CALN1: variants seen among roughly 807,000 people sequenced by gnomAD.
CALN1 encodes the protein calneuron 1.
In CALN1, 17 loss-of-function variants were observed where a neutral mutation model predicts 30.6. That is an observed-to-expected ratio of 0.56 (90% CI 0.38 to 0.83). CALN1 has a LOEUF of 0.83. Ranked by LOEUF, CALN1 falls within the 40% of genes least tolerant of loss-of-function variation. CALN1 has a pLI of 0.00. For missense variants in CALN1, 291 were observed against 354.9 expected (o/e 0.82, Z 1.45); for synonymous variants, 156 against 131.4 (o/e 1.19, Z -1.28).
intron 4 of CALN1, among the ~76,000 whole-genome samples, chr7:72,033,262 A>G (rs918285348): frequency 6.6e-6 from 1 of 152,198 alleles, no homozygotes; most frequent in African/African-American, 2.4e-5. Context: ...CAAAATTCTC[A>G]TAAGGAGGTA....
At chr7:72,214,694 C>T (rs545539360) in intron 3 of CALN1, among the ~76,000 whole-genome samples, 1 of 151,934 alleles carries the variant, frequency 6.6e-6, no homozygotes, top group Non-Finnish European at 1.5e-5. Context: ...GGAGCCGAGC[C>T]GCACAGCAGG....
chr7:71,798,766 C>T (rs539941440), intron 6 of CALN1, among the ~76,000 whole-genome samples: 1 of 151,988 alleles, frequency 6.6e-6, no homozygotes, highest in South Asian at 2.1e-4. Flanking sequence ...GGATTACAGG[C>T]ATGCACCACC....
intron 3 of CALN1, among the ~76,000 whole-genome samples, chr7:72,171,992 TTG>T (rs1441621474): frequency 6.6e-6 from 1 of 152,128 alleles, no homozygotes; most frequent in African/African-American, 2.4e-5. Context: ...ATAATGAGAA[TTG>T]ATGAAAGCAG....
chr7:71,811,676 C>CTTT (rs59136685), intron 5 of CALN1, among the ~76,000 whole-genome samples: 6 of 139,906 alleles, frequency 4.3e-5, no homozygotes, highest in African/African-American at 1.0e-4. Context: ...TTTCTTTTTT[C>CTTT]TTTTTTTTTT....
intron 4 of CALN1, among the ~76,000 whole-genome samples, chr7:72,054,522 T>TAC (rs1803109290): frequency 1.7e-5 from 2 of 116,218 alleles, no homozygotes; most frequent in African/African-American, 6.4e-5. Context: ...TATATATACA[T>TAC]ATATACATAC....
chr7:72,368,268 A>G (rs745465298), intron 2 of CALN1, among the ~76,000 whole-genome samples: 9 of 150,014 alleles, frequency 6.0e-5, no homozygotes, highest in Non-Finnish European at 1.0e-4. Flanking sequence ...TTAACTGTTA[A>G]CTGAGTGCTG....
intron 5 of CALN1, among the ~76,000 whole-genome samples, chr7:71,874,144 G>A (rs1792106316): frequency 6.6e-6 from 1 of 151,788 alleles, no homozygotes; most frequent in African/African-American, 2.4e-5. Flanking sequence ...GCGTGGTGGT[G>A]GGCACCTGTA....
At chr7:72,325,229 T>C (rs1801187872) in intron 2 of CALN1, among the ~76,000 whole-genome samples, 1 of 152,118 alleles carries the variant, frequency 6.6e-6, no homozygotes, top group Non-Finnish European at 1.5e-5. Flanking sequence ...GCCCAGGAAG[T>C]TGAGGCTGCA....
intron 2 of CALN1, among the ~76,000 whole-genome samples, chr7:72,370,798 G>A (rs1021312472): frequency 6.6e-6 from 1 of 151,848 alleles, no homozygotes; most frequent in African/African-American, 2.4e-5. Flanking sequence ...TATAATCCCA[G>A]CACTTTGGGA....
At chr7:71,877,852 A>C (rs986904312) in intron 5 of CALN1, among the ~76,000 whole-genome samples, 3 of 152,226 alleles carry the variant, frequency 2.0e-5, no homozygotes, top group African/African-American at 7.2e-5. Context: ...TAAAACACTG[A>C]TGAGGGGCAT....
At chr7:71,917,197 T>C (rs1256381569) in intron 5 of CALN1, among the ~76,000 whole-genome samples, 6 of 152,122 alleles carry the variant, frequency 3.9e-5, no homozygotes, top group African/African-American at 1.4e-4. Flanking sequence ...ATTGATACAT[T>C]TGGAAATGCC....
At chr7:72,086,518 C>T (rs1340691824) in intron 4 of CALN1, among the ~76,000 whole-genome samples, 1 of 152,170 alleles carries the variant, frequency 6.6e-6, no homozygotes, top group Non-Finnish European at 1.5e-5. Context: ...ACAGCAACCT[C>T]TGCCTCTGGA....
intron 3 of CALN1, among the ~76,000 whole-genome samples, chr7:72,218,212 GACGAGGCAGGCGGATC>G (rs1236769861): frequency 1.3e-5 from 2 of 151,730 alleles, no homozygotes; most frequent in Non-Finnish European, 2.9e-5. Flanking sequence ...ACTTTGAGAG[GACGAGGCAGGCGGATC>G]ACCAGGTCAG....
In CALN1 at chr7:71,851,138, C is replaced by CTGTAA. The variant is rs577607362; in HGVS notation, c.502-40647_502-40646insTTACA. Among the ~76,000 whole-genome samples the CTGTAA allele has an allele frequency of 2.7e-4, 41 of 151,548 alleles. No homozygotes were observed. The South Asian group carries it at 8.5e-3, about 32-fold the overall frequency. On this transcript the variant is annotated intron_variant, in intron 5 of 6. Coordinates refer to ENST00000395275, the MANE Select transcript of CALN1 (RefSeq NM_031468.4). ...GGCTAAGGTGTGAGGGTTGCGTGAA[C>CTGTAA]CCAAGTTACAGTGACCTGTGACTGC...
chr7:72,319,572 C>G (rs1313020005), intron 2 of CALN1, among the ~76,000 whole-genome samples: 1 of 149,736 alleles, frequency 6.7e-6, no homozygotes, highest in East Asian at 1.9e-4. Flanking sequence ...CAATGGAATA[C>G]TACTTAGCCA....
At chr7:72,277,496 G>A (rs1389171065) in intron 3 of CALN1, among the ~76,000 whole-genome samples, 1 of 152,142 alleles carries the variant, frequency 6.6e-6, no homozygotes, top group Non-Finnish European at 1.5e-5. Context: ...TCTTGATTCT[G>A]CCCCAATCAC....
intron 5 of CALN1, among the ~76,000 whole-genome samples, chr7:71,968,463 C>T (rs1238218554): frequency 6.6e-6 from 1 of 152,070 alleles, no homozygotes; most frequent in Non-Finnish European, 1.5e-5. Context: ...TGAAGTCTTG[C>T]TCTGTCTCCC....
At chr7:72,425,739 T>G (rs1807781830) in intron 1 of CALN1, among the ~76,000 whole-genome samples, 1 of 152,202 alleles carries the variant, frequency 6.6e-6, no homozygotes, top group Non-Finnish European at 1.5e-5. Flanking sequence ...TTCCTGCTAA[T>G]AGATGACGTT....
intron 1 of CALN1, among the ~76,000 whole-genome samples, chr7:72,446,542 G>A (rs1407586775): frequency 6.6e-6 from 1 of 152,258 alleles, no homozygotes; most frequent in Non-Finnish European, 1.5e-5. Flanking sequence ...ACAGGTGTCG[G>A]CAAGATGTTC....
Sources: gnomAD v4.1 joint callset for allele counts (sites outside exome capture counted in the v4.1 genomes callset) on GRCh38, gnomAD v4.1.1 for gene constraint, MANE v1.5 for transcripts, NCBI Gene and HGNC (gene_info 2026-07-23, HGNC 2026-07-21) for gene names.